Variants in CNOT3 observed in about 807,000 individuals in gnomAD.
CNOT3 encodes CCR4-NOT transcription complex subunit 3.
In CNOT3, 2 loss-of-function variants were observed where a neutral mutation model predicts 89.4. The observed-to-expected ratio is 0.02, with a 90% CI of 0.01 to 0.07. CNOT3 has a LOEUF of 0.07. Among genes scored for constraint, CNOT3 ranks in the 10% least tolerant of loss-of-function variants. The pLI is 1.00. For synonymous variants in CNOT3, 486 were observed against 402.0 expected (o/e 1.21, Z -2.50); for missense variants, 664 against 1,010.2 (o/e 0.66, Z 4.65).
intron 1 of CNOT3, among the ~76,000 whole-genome samples, chr19:54,140,154 C>A (rs1241280135): frequency 6.6e-6 from 1 of 152,184 alleles, no homozygotes; most frequent in Non-Finnish European, 1.5e-5. Context: ...GTGGTATCAT[C>A]TTCCCTGAGA....
intron 1 of CNOT3, 165 bp from the exon 2 acceptor site, chr19:54,142,764 C>T: frequency 1.6e-6 from 1 of 620,362 alleles, no homozygotes; most frequent in Non-Finnish European, 2.9e-6. Flanking sequence ...CTATGCTGGG[C>T]AGTCAAGCGA....
intron 14 of CNOT3, 33 bp from the exon 15 acceptor site, chr19:54,152,395 A>G: frequency 6.2e-7 from 1 of 1,613,652 alleles, no homozygotes; most frequent in South Asian, 1.1e-5. Flanking sequence ...CATCCTCACC[A>G]CTGAGGGGGC....
rs1166633405 is a variant in CNOT3 at position 54,148,156 on chromosome 19, CA to C, written c.908del (p.Asn303ThrfsTer32). On this transcript the variant is annotated frameshift_variant, in exon 11 of 18. Coordinates refer to ENST00000221232, the MANE Select transcript of CNOT3 (RefSeq NM_014516.4). LOFTEE classifies it high-confidence loss of function. The surrounding 1 kb of genome is among the most constrained non-coding windows in gnomAD (Gnocchi z 6.3). Reference sequence around the variant, plus strand: ...CTCTCTCCCACCCGCAGTCTCCAGCCAAAAACGGCTCCAAGCCTGTCCACAG... The same window carrying C: ...CTCTCTCCCACCCGCAGTCTCCAGCCAAAACGGCTCCAAGCCTGTCCACAG... ...TDSEVSQSPA[K>X]NGSKPVHSNQ... is the part of the protein sequence containing the mutation. 4.6e-6 allele frequency: 7 copies of C among 1,512,086 alleles called. No individual in the cohort carries two copies. Among genetic ancestry groups the C allele is most frequent in the Admixed American group, 2.2e-5 (1 of 45,282 alleles). 93.7% of individuals were successfully genotyped at this position (1,512,086 alleles called of 1,614,324 possible).
At chr19:54,154,945 G>A in intron 17 of CNOT3, 1 of 245,702 alleles carries the variant, frequency 4.1e-6, no homozygotes, top group Non-Finnish European at 7.8e-6. Flanking sequence ...ACTGCCTCGA[G>A]GTCTTTGTGA....
Position 54,144,395 on chromosome 19 carries a change from G to A in CNOT3, c.483+63G>A, listed in dbSNP as rs1402375291. 27 of 1,245,146 alleles carry A rather than the reference G, an allele frequency of 2.2e-5. No homozygotes were observed. In the Middle Eastern group the frequency reaches 7.2e-4, roughly 33 times the overall value. 77.1% of individuals were successfully genotyped at this position (1,245,146 alleles called of 1,614,324 possible). A position where few individuals can be genotyped will look rare whatever the true frequency, so the allele number is the denominator to read the frequency against. ...GGGCATGGGAATGGGCTGGCCAGCA[G>A]GAGGCCAGTCATTTATGCTCCTGGG... On this transcript the variant is annotated intron_variant, in intron 7 of 17. Coordinates refer to ENST00000221232, the MANE Select transcript of CNOT3 (RefSeq NM_014516.4). This position sits in a 1 kb window ranked among gnomAD's most constrained non-coding sequence, Gnocchi z 4.8.
rs373169471 is a variant in CNOT3, at chr19:54,148,453, C to T, written c.1200C>T (p.Gly400=). The change falls in exon 11 of 18, where the codon GGC becomes GGT. Residue 400 remains glycine (G), a synonymous_variant. Coordinates refer to ENST00000221232, the MANE Select transcript of CNOT3 (RefSeq NM_014516.4). This position sits in a 1 kb window ranked among gnomAD's most constrained non-coding sequence, Gnocchi z 6.3. ...GCGTCCAGCCTAGCGGAGGCGGAGG[C>T]GGCGGCAGCGGAGGCGGAGGGAGCA... ...PPSVQPSGGG[G]GGSGGGGSSS... is the part of the protein sequence containing the mutation. The T allele has an allele frequency of 1.4e-5, 22 of 1,565,122 alleles. No homozygotes were observed. In the African/African-American group the frequency reaches 2.6e-4, roughly 18 times the overall value.
intron 16 of CNOT3, 183 bp downstream of exon 16, chr19:54,153,182 C>G (rs758829830): frequency 2.6e-6 from 2 of 766,778 alleles, no homozygotes; most frequent in South Asian, 2.7e-5. Context: ...GCCTTCCAGC[C>G]CAGAGATGTT....
chr19:54,155,290 C>T lies in CNOT3; in HGVS notation c.2164-19C>T, dbSNP rs375541554. ...ACCACCTCCTCGTCCACTCACTGAC[C>T]GCCTTCTCCCCCGGCCAGGGCACCT... On this transcript the variant is annotated intron_variant, in intron 17 of 17. Transcript: ENST00000221232. 30 of 1,611,994 alleles carry T rather than the reference C, an allele frequency of 1.9e-5. No individual in the cohort carries two copies. The highest frequency in any genetic ancestry group is 1.0e-4 in the Admixed American group (6 of 59,948).
chr19:54,148,453 C>A lies in CNOT3; in HGVS notation c.1200C>A (p.Gly400=). The A allele has an allele frequency of 4.5e-6, 7 of 1,565,122 alleles. No homozygotes were observed. Among genetic ancestry groups the A allele is most frequent in the South Asian group, 1.2e-5 (1 of 83,008 alleles). The part of the protein sequence containing the change: ...PPSVQPSGGG[G]GGSGGGGSSS... ...GCGTCCAGCCTAGCGGAGGCGGAGG[C>A]GGCGGCAGCGGAGGCGGAGGGAGCA... is the stretch of plus-strand genomic sequence containing the variant. The change falls in exon 11 of 18, where the codon GGC becomes GGA. Residue 400 remains glycine, a synonymous_variant. Transcript: ENST00000221232. The surrounding 1 kb of genome is among the most constrained non-coding windows in gnomAD (Gnocchi z 6.3).
chr19:54,152,850 T>C lies in CNOT3; in HGVS notation c.1905-17T>C. The C allele has an allele frequency of 7.7e-7, 1 of 1,305,254 alleles. No individual in the cohort carries two copies. The highest frequency in any genetic ancestry group is 1.1e-6 in the Non-Finnish European group (1 of 924,752). The allele number at this position is 1,305,254 out of a possible 1,614,324, so 80.9% of individuals were successfully genotyped here. Reference sequence around the variant, plus strand: ...ACTAGTAGGCAGCTGGCACTGACCTTCCTGTTGCTCTCACAGGCAGTACCT... The same window carrying C: ...ACTAGTAGGCAGCTGGCACTGACCTCCCTGTTGCTCTCACAGGCAGTACCT... On this transcript the variant is annotated splice_polypyrimidine_tract_variant and intron_variant, in intron 15 of 17. Transcript: ENST00000221232.
rs2074680411 is a variant in CNOT3, at chr19:54,146,511, G to A, written c.838-90G>A. On this transcript the variant is annotated intron_variant, in intron 9 of 17. Coordinates refer to ENST00000221232, the MANE Select transcript of CNOT3 (RefSeq NM_014516.4). ...TGGGGCCGCAATGGCAGTCAATTGGGCCCAGGTCCCCGGGGCATTCAGAGA... is the reference window on the plus strand; with the variant it reads ...TGGGGCCGCAATGGCAGTCAATTGGACCCAGGTCCCCGGGGCATTCAGAGA... 6 of 776,590 alleles carry A rather than the reference G, an allele frequency of 7.7e-6. No homozygotes were observed. The East Asian group carries it at 1.5e-4, about 19-fold the overall frequency. 48.1% of individuals were successfully genotyped at this position (776,590 alleles called of 1,614,324 possible).
At position 54,148,252 on chromosome 19, in the gene CNOT3, C is replaced by G; in HGVS notation, c.999C>G (p.Ala333=). The change falls in exon 11 of 18, where the codon GCC becomes GCG. Residue 333 remains alanine, a synonymous_variant. Coordinates refer to ENST00000221232, the MANE Select transcript of CNOT3 (RefSeq NM_014516.4). The surrounding 1 kb of genome is among the most constrained non-coding windows in gnomAD (Gnocchi z 6.3). ...YPSGPPPAAS[A]LSTTPGNNGV... ...CCGGCCCCCCGCCTGCTGCCTCTGC[C>G]TTGAGCACCACTCCTGGCAACAATG... The G allele has an allele frequency of 1.2e-6, 2 of 1,606,750 alleles. No homozygotes were observed. Among genetic ancestry groups the G allele is most frequent in the African/African-American group, 1.3e-5 (1 of 74,840 alleles).
In CNOT3 at chr19:54,143,107, C is replaced by T; in HGVS notation, c.26-12C>T. 6.2e-7 allele frequency: 1 copy of T among 1,613,858 alleles called. No homozygotes were observed. The highest frequency in any genetic ancestry group is 8.5e-7 in the Non-Finnish European group (1 of 1,179,834). ...GGGCAGGATTCTCACAGCCTTGTTC[C>T]TCCCTGGCCAGGTGAGATTGATCGC... On this transcript the variant is annotated splice_polypyrimidine_tract_variant and intron_variant, in intron 2 of 17. Transcript: ENST00000221232.
At chr19:54,140,771 CCCT>C (rs1389487725) in intron 1 of CNOT3, among the ~76,000 whole-genome samples, 2 of 152,124 alleles carry the variant, frequency 1.3e-5, no homozygotes, top group African/African-American at 2.4e-5. Flanking sequence ...GCTCTTGTTC[CCCT>C]CCTCCTGGCT....
chr19:54,148,853 G>A lies in CNOT3; in HGVS notation c.1406+110G>A. The A allele has an allele frequency of 3.2e-6, 3 of 944,622 alleles. No homozygotes were observed. Among genetic ancestry groups the A allele is most frequent in the Non-Finnish European group, 4.7e-6 (3 of 637,794 alleles). The allele number at this position is 944,622 out of a possible 1,614,324, so 58.5% of individuals were successfully genotyped here. ...TTCTGAACCCCCCGCCCTTGCTGCT[G>A]GGAATGGCCAAGCGCTATCCTCCAT... On this transcript the variant is annotated intron_variant, in intron 12 of 17. Coordinates refer to ENST00000221232, the MANE Select transcript of CNOT3 (RefSeq NM_014516.4). The surrounding 1 kb of genome is among the most constrained non-coding windows in gnomAD (Gnocchi z 6.3).
rs587759239 is a variant in CNOT3 at position 54,152,053 on chromosome 19, A to G, written c.1606-173A>G. 9.9e-5 allele frequency among the ~76,000 whole-genome samples: 15 copies of G among 152,250 alleles called. No individual in the cohort carries two copies. The South Asian group carries it at 1.0e-3, about 11-fold the overall frequency. ...GCTGATGAATGCGTCGTGGTCTCCG[A>G]TTGTTTCCCTACAGTTTGATGCTTT... On this transcript the variant is annotated intron_variant, in intron 13 of 17. Transcript: ENST00000221232.
At position 54,149,568 on chromosome 19, in the gene CNOT3, C is replaced by A; in HGVS notation, c.1415C>A (p.Pro472His). The A allele has an allele frequency of 6.3e-7, 1 of 1,587,044 alleles. No individual in the cohort carries two copies. Among genetic ancestry groups the A allele is most frequent in the Non-Finnish European group, 8.6e-7 (1 of 1,165,212 alleles). Residue 472 changes from proline (P) to histidine (H), a missense_variant, in exon 13 of 18, where the codon CCC becomes CAC. By Grantham distance (77) the Pro-to-His change is moderately conservative. This residue lies in a region of CNOT3 where 545 missense variants were observed against 566.2 expected (regional missense o/e 0.96). Coordinates refer to ENST00000221232, the MANE Select transcript of CNOT3 (RefSeq NM_014516.4). ...HNPPPSTSKEPSAAAPTGAGG... is the reference protein window; with the variant it reads ...HNPPPSTSKEHSAAAPTGAGG... ...CCATGCTCTCTCTCCAGGAAGGAAC[C>A]CAGTGCGGCAGCCCCAACGGGGGCT...
chr19:54,155,591 C>T lies in CNOT3; in HGVS notation c.*184C>T. 9.4e-7 allele frequency: 1 copy of T among 1,064,574 alleles called. No individual in the cohort carries two copies. Among genetic ancestry groups the T allele is most frequent in the Non-Finnish European group, 1.3e-6 (1 of 742,800 alleles). 65.9% of individuals were successfully genotyped at this position (1,064,574 alleles called of 1,614,324 possible). On this transcript the variant is annotated 3_prime_UTR_variant, in exon 18 of 18. Transcript: ENST00000221232. ...CACCCTGGGGGCCCGGGGGCGAGGGCTGCCCCCTCCTCCCCTCCCCAGTGA... is the reference window on the plus strand; with the variant it reads ...CACCCTGGGGGCCCGGGGGCGAGGGTTGCCCCCTCCTCCCCTCCCCAGTGA...
chr19:54,147,300 C>T (rs986384894), intron 10 of CNOT3, among the ~76,000 whole-genome samples: 38 of 152,292 alleles, frequency 2.5e-4, no homozygotes, highest in Non-Finnish European at 1.8e-4. Context: ...TGTGGGCTAA[C>T]GGGATGGATG....
Sources: allele counts gnomAD v4.1 joint callset (sites outside exome capture counted in the v4.1 genomes callset), GRCh38; gene constraint gnomAD v4.1.1; regional missense constraint gnomAD v4.1.1; non-coding constraint Gnocchi (gnomAD v3.1); transcripts MANE v1.5; gene names NCBI Gene and HGNC (gene_info 2026-07-23, HGNC 2026-07-21).